The following UBE2E2 variants were observed in gnomAD, a reference collection of about 807,000 sequenced individuals.
UBE2E2 encodes ubiquitin-conjugating enzyme E2 E2.
In UBE2E2, 6 loss-of-function variants were observed where a neutral mutation model predicts 24.7. The ratio of observed to expected loss-of-function variants is 0.24; its 90% CI spans 0.13 to 0.48. The LOEUF is 0.48. UBE2E2 is among the 20% of genes least tolerant of loss of function. The probability of loss-of-function intolerance (pLI) is 0.99; values close to 1 mark genes in which losing one functional copy is unlikely to be tolerated. For synonymous variants in UBE2E2, 104 were observed against 83.6 expected, an observed-to-expected ratio of 1.24 and a Z score of -1.33; for missense variants, 169 against 245.0, an observed-to-expected ratio of 0.69 and a Z score of 2.07.
At chr3:23,270,404 G>C (rs1182053500) in intron 3 of UBE2E2, among the ~76,000 whole-genome samples, 2 of 152,054 alleles carry the variant, frequency 1.3e-5, no homozygotes, top group African/African-American at 2.4e-5. Context: ...TTTTGTATGA[G>C]AGCCCCACGG....
rs3087043 is a variant in UBE2E2, at chr3:23,400,607, A to AACACACACACACACACAC, written c.228-98983_228-98966dup. On this transcript the variant is annotated intron_variant, in intron 3 of 5. Coordinates refer to ENST00000396703, the MANE Select transcript of UBE2E2 (RefSeq NM_152653.4). Reference sequence around the variant, plus strand: ...GGTGGACAGAGAGGAGAATAAATGAAACACACACACACACACACACACACA... The same window carrying AACACACACACACACACAC: ...GGTGGACAGAGAGGAGAATAAATGAAACACACACACACACACACACACACACACACACACACACACACA... Among the ~76,000 whole-genome samples the AACACACACACACACACAC allele has an allele frequency of 2.5e-4, 35 of 137,834 alleles. No individual in the cohort carries two copies. The East Asian group carries it at 2.8e-3, about 11-fold the overall frequency. The allele number at this position is 137,834 out of a possible 152,430, so 90.4% of individuals were successfully genotyped here. A position where few individuals can be genotyped will look rare whatever the true frequency, so the allele number is the denominator to read the frequency against.
intron 3 of UBE2E2, among the ~76,000 whole-genome samples, chr3:23,478,257 C>T (rs1400349984): frequency 1.3e-5 from 2 of 152,182 alleles, no homozygotes; most frequent in Non-Finnish European, 2.9e-5. Flanking sequence ...TGCCTGCCCT[C>T]AGGGGACTCC....
chr3:23,318,478 T>C (rs1413976531), intron 3 of UBE2E2, among the ~76,000 whole-genome samples: 1 of 152,236 alleles, frequency 6.6e-6, no homozygotes, highest in African/African-American at 2.4e-5. Flanking sequence ...TTCATGTTGC[T>C]GATAAAGACA....
intron 3 of UBE2E2, among the ~76,000 whole-genome samples, chr3:23,355,247 G>GGGGGGTGGGGGGGGGGGGA (rs1695908441): frequency 7.9e-6 from 1 of 126,844 alleles, no homozygotes; most frequent in African/African-American, 2.9e-5. Context: ...GGGGAGGGGG[G>GGGGGGTGGGGGGGGGGGGA]AGGGATAGCA....
At chr3:23,350,446 G>A (rs1415158358) in intron 3 of UBE2E2, among the ~76,000 whole-genome samples, 1 of 152,192 alleles carries the variant, frequency 6.6e-6, no homozygotes, top group African/African-American at 2.4e-5. Flanking sequence ...CCGAGCTACA[G>A]GAGGAAATTC....
chr3:23,419,142 T>C (rs1304878592), intron 3 of UBE2E2, among the ~76,000 whole-genome samples: 1 of 152,032 alleles, frequency 6.6e-6, no homozygotes, highest in African/African-American at 2.4e-5. Context: ...TTATGTTTTA[T>C]TTTGTAGATG....
chr3:23,515,730 G>T (rs528605254), intron 4 of UBE2E2, among the ~76,000 whole-genome samples: 16 of 152,066 alleles, frequency 1.1e-4, no homozygotes, highest in Non-Finnish European at 2.4e-4. Flanking sequence ...GCTGAGGTGG[G>T]AGGATCGCTT....
intron 3 of UBE2E2, among the ~76,000 whole-genome samples, chr3:23,257,169 T>A (rs1342177594): frequency 1.3e-5 from 2 of 152,194 alleles, no homozygotes; most frequent in Non-Finnish European, 2.9e-5. Context: ...GGTCTTCATC[T>A]TTCAGGAGAC....
chr3:23,415,075 A>C (rs1697589341), intron 3 of UBE2E2, among the ~76,000 whole-genome samples: 1 of 152,180 alleles, frequency 6.6e-6, no homozygotes, highest in South Asian at 2.1e-4. Flanking sequence ...CCTTCCATAC[A>C]AGGTTGGGGA....
chr3:23,297,491 G>T (rs948236253), intron 3 of UBE2E2, among the ~76,000 whole-genome samples: 2 of 152,166 alleles, frequency 1.3e-5, no homozygotes, highest in African/African-American at 4.8e-5. Flanking sequence ...TTTGTATAAG[G>T]TGTAAGGAAG....
chr3:23,235,727 TAGAAC>T (rs1475727992), intron 3 of UBE2E2, among the ~76,000 whole-genome samples: 2 of 152,034 alleles, frequency 1.3e-5, no homozygotes, highest in Non-Finnish European at 2.9e-5. Context: ...GGGGGACTGT[TAGAAC>T]AGAGAAAGAA....
At chr3:23,384,150 C>A (rs1239136763) in intron 3 of UBE2E2, among the ~76,000 whole-genome samples, 1 of 152,042 alleles carries the variant, frequency 6.6e-6, no homozygotes, top group African/African-American at 2.4e-5. Context: ...CATGCACCAC[C>A]ACACCCAGCT....
chr3:23,520,835 G>T (rs1443919209), intron 4 of UBE2E2, among the ~76,000 whole-genome samples: 1 of 152,126 alleles, frequency 6.6e-6, no homozygotes, highest in East Asian at 1.9e-4. Context: ...TAGGGACAGG[G>T]TCTTGCTGTG....
rs114907658 is a variant in UBE2E2, at chr3:23,375,059, G to T, written c.228-124549G>T. ...AGAAATGAAATCTGTGCTTTTATTC[G>T]TATTTACATATCATGAGATATAAAA... On this transcript the variant is annotated intron_variant, in intron 3 of 5. Transcript: ENST00000396703. Among the ~76,000 whole-genome samples the T allele has an allele frequency of 2.0e-5, 3 of 151,722 alleles. No homozygotes were observed. The East Asian group carries it at 5.8e-4, about 29-fold the overall frequency.
chr3:23,315,305 T>G (rs1291632341), intron 3 of UBE2E2, among the ~76,000 whole-genome samples: 3 of 15,390 alleles, frequency 1.9e-4, no homozygotes, highest in Non-Finnish European at 1.2e-4. Context: ...TGTGCTTCAT[T>G]TTTTTTTTTT....
At chr3:23,433,464 T>C (rs1183347448) in intron 3 of UBE2E2, among the ~76,000 whole-genome samples, 2 of 152,022 alleles carry the variant, frequency 1.3e-5, no homozygotes, top group Non-Finnish European at 2.9e-5. Flanking sequence ...ATGTCAACAG[T>C]GAATGTTAAT....
chr3:23,207,727 G>A (rs902118138), intron 1 of UBE2E2, among the ~76,000 whole-genome samples: 6 of 152,172 alleles, frequency 3.9e-5, no homozygotes, highest in Admixed American at 3.3e-4. Context: ...TTGGCTAGTC[G>A]AGGTTTTTCA....
At chr3:23,307,179 A>C (rs764726264) in intron 3 of UBE2E2, among the ~76,000 whole-genome samples, 3 of 152,050 alleles carry the variant, frequency 2.0e-5, no homozygotes, top group African/African-American at 7.2e-5. Context: ...TTGTCTTTCC[A>C]TGTGTCTTTT....
chr3:23,211,289 C>G (rs1253849868), intron 2 of UBE2E2, among the ~76,000 whole-genome samples: 1 of 152,038 alleles, frequency 6.6e-6, no homozygotes, highest in Non-Finnish European at 1.5e-5. Flanking sequence ...AGATGAGAAG[C>G]CTTTCCCAAA....
Sources: gnomAD v4.1 joint callset for allele counts (sites outside exome capture counted in the v4.1 genomes callset) on GRCh38, gnomAD v4.1.1 for gene constraint, MANE v1.5 for transcripts, NCBI Gene and HGNC (gene_info 2026-07-23, HGNC 2026-07-21) for gene names.